Variants in TLE4 observed in about 807,000 individuals in gnomAD.
TLE4 encodes TLE family member 4, transcriptional corepressor.
In TLE4, 8 loss-of-function variants were observed where a neutral mutation model predicts 92.8. That is an observed-to-expected ratio of 0.09 (90% CI 0.05 to 0.16). The LOEUF is 0.16. TLE4 is among the 10% of genes least tolerant of loss of function. The pLI is 1.00. For missense variants in TLE4, 675 were observed against 997.6 expected, an observed-to-expected ratio of 0.68 and a Z score of 4.36; for synonymous variants, 371 against 374.1, an observed-to-expected ratio of 0.99 and a Z score of 0.10.
intron 4 of TLE4, among the ~76,000 whole-genome samples, chr9:79,597,295 C>A (rs1408372676): frequency 6.6e-6 from 1 of 152,162 alleles, no homozygotes; most frequent in East Asian, 1.9e-4. Context: ...TCTGGGCTTG[C>A]TGGACCTCCC....
intron 8 of TLE4, among the ~76,000 whole-genome samples, chr9:79,662,665 A>T (rs2134495024): frequency 1.3e-5 from 2 of 152,326 alleles, no homozygotes; most frequent in South Asian, 4.1e-4. Flanking sequence ...GCCTCCTTCG[A>T]TGTAAACAAA....
chr9:79,642,395 A>G (rs549022028), intron 6 of TLE4, among the ~76,000 whole-genome samples: 3 of 151,838 alleles, frequency 2.0e-5, no homozygotes, highest in Non-Finnish European at 4.4e-5. Context: ...AGCTGGGACT[A>G]CAGGCACATA....
intron 4 of TLE4, among the ~76,000 whole-genome samples, chr9:79,606,021 A>G (rs1334199669): frequency 6.6e-6 from 1 of 151,966 alleles, no homozygotes; most frequent in Non-Finnish European, 1.5e-5. Context: ...CTACTCTGTT[A>G]TAGACAGTAT....
chr9:79,678,379 A>C (rs1236073760), intron 8 of TLE4, among the ~76,000 whole-genome samples: 1 of 152,092 alleles, frequency 6.6e-6, no homozygotes, highest in Non-Finnish European at 1.5e-5. Context: ...TGAATTGGAA[A>C]CCACATACAG....
chr9:79,679,314 A>G (rs1267336012), intron 8 of TLE4, among the ~76,000 whole-genome samples: 1 of 152,112 alleles, frequency 6.6e-6, no homozygotes, highest in African/African-American at 2.4e-5. Context: ...TCGCCATTCT[A>G]ACTGGTGTGA....
intron 11 of TLE4, 175 bp downstream of exon 11, chr9:79,707,074 A>G (rs1314258490): frequency 6.3e-7 from 1 of 1,596,906 alleles, no homozygotes; most frequent in South Asian, 1.1e-5. Context: ...TAAGTTTACT[A>G]ACTTGTTGGT....
intron 6 of TLE4, among the ~76,000 whole-genome samples, chr9:79,637,595 A>G (rs2056206380): frequency 6.6e-6 from 1 of 152,224 alleles, no homozygotes; most frequent in Non-Finnish European, 1.5e-5. Context: ...CTGGGTCCAC[A>G]TACTAAGTGG....
intron 2 of TLE4, 25 bp downstream of exon 2, chr9:79,573,811 C>G (rs762295997): frequency 4.0e-6 from 6 of 1,508,274 alleles, no homozygotes; most frequent in Non-Finnish European, 5.4e-6. Flanking sequence ...TTTAGCTGAT[C>G]CTTCTGTTTG....
rs1478312322 is a variant in TLE4, at chr9:79,719,984, C to T, written c.1591-62C>T. 3.9e-6 allele frequency: 6 copies of T among 1,542,094 alleles called. No homozygotes were observed. In the East Asian group the frequency reaches 1.1e-4, roughly 29 times the overall value. ...CACAATACTTTTATGGATTTCTGCT[C>T]TCATGTTAATGCTGTTTTCCTTTCC... On this transcript the variant is annotated intron_variant, in intron 15 of 19. Transcript: ENST00000376552.
At chr9:79,619,497 T>A (rs2050433710) in intron 5 of TLE4, among the ~76,000 whole-genome samples, 1 of 152,220 alleles carries the variant, frequency 6.6e-6, no homozygotes, top group Non-Finnish European at 1.5e-5. Context: ...CGCCTTACAG[T>A]CGTGCCAGGT....
chr9:79,622,321 CTG>C (rs1362965376), intron 5 of TLE4, among the ~76,000 whole-genome samples: 1 of 152,298 alleles, frequency 6.6e-6, no homozygotes, highest in Admixed American at 6.5e-5. Flanking sequence ...TTGTCTGCAG[CTG>C]TGTCCCCTAC....
chr9:79,724,887 A>G (rs1478929830), intron 19 of TLE4, 150 bp from the exon 20 acceptor site: 1 of 310,882 alleles, frequency 3.2e-6, no homozygotes, highest in African/African-American at 2.4e-5. Context: ...AAAAAGCAGC[A>G]GTACTGTCCA....
At chr9:79,627,233 C>A in intron 5 of TLE4, 141 bp from the exon 6 acceptor site, 1 of 798,512 alleles carries the variant, frequency 1.3e-6, no homozygotes, top group South Asian at 1.5e-5. Context: ...TCATCCATCA[C>A]CTCAGGCTTG....
chr9:79,593,995 G>A (rs1177874303), intron 4 of TLE4, among the ~76,000 whole-genome samples: 1 of 152,136 alleles, frequency 6.6e-6, no homozygotes, highest in East Asian at 1.9e-4. Context: ...CTGAGTCTCA[G>A]TTCCTCATCC....
intron 19 of TLE4, 64 bp from the exon 20 acceptor site, chr9:79,724,973 T>C: frequency 1.6e-6 from 2 of 1,221,250 alleles, no homozygotes; most frequent in Non-Finnish European, 2.4e-6. Flanking sequence ...TTGCTCTAAG[T>C]CCTCCATACT....
rs999215661 is a variant in TLE4, at chr9:79,663,058, G to T, written c.609+8983G>T. On this transcript the variant is annotated intron_variant, in intron 8 of 19. Transcript: ENST00000376552. Reference sequence around the variant, plus strand: ...AACCTCCCAACCTGGGTGGGGGTGGGGGTGGGGGTGGGGGTGGAGAAGGAG... The same window carrying T: ...AACCTCCCAACCTGGGTGGGGGTGGTGGTGGGGGTGGGGGTGGAGAAGGAG... Among the ~76,000 whole-genome samples the T allele has an allele frequency of 2.8e-4, 36 of 127,532 alleles. 1 individual carries two copies. The highest frequency in any genetic ancestry group is 3.3e-4 in the Non-Finnish European group (19 of 58,310). 83.7% of individuals were successfully genotyped at this position (127,532 alleles called of 152,430 possible).
chr9:79,624,395 A>C (rs1328937085), intron 5 of TLE4, among the ~76,000 whole-genome samples: 1 of 152,166 alleles, frequency 6.6e-6, no homozygotes, highest in African/African-American at 2.4e-5. Flanking sequence ...TGGTGCTTTC[A>C]GAGCACACAG....
intron 8 of TLE4, among the ~76,000 whole-genome samples, chr9:79,700,819 A>T (rs1412532035): frequency 2.0e-5 from 3 of 152,082 alleles, no homozygotes; most frequent in Non-Finnish European, 4.4e-5. Context: ...GTGACTCTCC[A>T]ATCATAACAG....
chr9:79,611,936 TAAAAAAAAAA>T (rs34106000), intron 4 of TLE4, among the ~76,000 whole-genome samples: 1 of 78,428 alleles, frequency 1.3e-5, no homozygotes, highest in Non-Finnish European at 2.8e-5. Context: ...ATATCCACAG[TAAAAAAAAAA>T]AAAAAAAAAA....
Sources: allele counts gnomAD v4.1 joint callset (sites outside exome capture counted in the v4.1 genomes callset), GRCh38; gene constraint gnomAD v4.1.1; transcripts MANE v1.5; gene names NCBI Gene and HGNC (gene_info 2026-07-23, HGNC 2026-07-21).